Variants in CALD1 observed in about 807,000 individuals in gnomAD.
CALD1 encodes the protein caldesmon 1, also known as caldesmon.
CALD1 carries 33 observed loss-of-function variants against 99.9 expected under a neutral mutation model. The ratio of observed to expected loss-of-function variants is 0.33; its 90% CI spans 0.25 to 0.44. CALD1 has a LOEUF of 0.44. CALD1 is among the 20% of genes least tolerant of loss of function. The pLI is 1.00. For missense variants in CALD1, 861 were observed against 962.1 expected, an observed-to-expected ratio of 0.89 and a Z score of 1.39; for synonymous variants, 310 against 325.0, an observed-to-expected ratio of 0.95 and a Z score of 0.50.
rs565284721 is a variant in CALD1, at chr7:134,843,948, G to T, written c.-65G>T. 1.3e-5 allele frequency: 2 copies of T among 152,120 alleles called. No individual in the cohort carries two copies. Among genetic ancestry groups the T allele is most frequent in the Non-Finnish European group, 2.9e-5 (2 of 68,026 alleles). The allele number at this position is 152,120 out of a possible 1,614,324, so 9.4% of individuals were successfully genotyped here. ...ACAGGGATTGGTGACCAACCAGAAG[G>T]CTCAGACATCTGATTGCTGACCTGT... On this transcript the variant is annotated 5_prime_UTR_variant, in exon 2 of 15. Coordinates refer to ENST00000361675, the MANE Select transcript of CALD1 (RefSeq NM_033138.4).
chr7:134,795,583 CT>C (rs1021361429), intron 1 of CALD1, among the ~76,000 whole-genome samples: 6 of 151,872 alleles, frequency 4.0e-5, no homozygotes, highest in African/African-American at 7.3e-5. Context: ...AAGTTCTCTC[CT>C]TCCTTCCTCT....
At chr7:134,950,350 C>T (rs773668531) in intron 8 of CALD1, 24 bp from the exon 9 acceptor site, 28 of 1,612,612 alleles carry the variant, frequency 1.7e-5, no homozygotes, top group African/African-American at 6.7e-5. Flanking sequence ...ACTGATGCCT[C>T]GTTATTTGTT....
intron 1 of CALD1, among the ~76,000 whole-genome samples, chr7:134,760,369 C>G (rs2131593104): frequency 6.6e-6 from 1 of 152,240 alleles, no homozygotes; most frequent in African/African-American, 2.4e-5. Flanking sequence ...ATCACATAAG[C>G]AATGATGACA....
chr7:134,937,648 A>AG (rs1347832501), intron 6 of CALD1, among the ~76,000 whole-genome samples: 24 of 151,220 alleles, frequency 1.6e-4, no homozygotes, highest in Non-Finnish European at 2.9e-4. Context: ...AAAAAAAAAA[A>AG]AAGAAGAAGA....
intron 9 of CALD1, among the ~76,000 whole-genome samples, chr7:134,950,747 G>A (rs1807271729): frequency 6.6e-6 from 1 of 152,182 alleles, no homozygotes; most frequent in African/African-American, 2.4e-5. Flanking sequence ...CCTGAGGTCA[G>A]GAGTTCGAGA....
chr7:134,843,097 C>T (rs918540189), intron 1 of CALD1, among the ~76,000 whole-genome samples: 6 of 152,188 alleles, frequency 3.9e-5, no homozygotes, highest in African/African-American at 9.7e-5. Flanking sequence ...GCTCCCTTCC[C>T]GTCTTCCTTC....
chr7:134,716,524 T>C, the CALD1 span, among the ~76,000 whole-genome samples: 3 of 152,206 alleles, frequency 2.0e-5, no homozygotes, highest in Non-Finnish European at 4.4e-5. Context: ...GAAGAAACTT[T>C]TAGATGTTTG....
Position 134,968,642 on chromosome 7 carries a change from C to T in CALD1, c.*297C>T. On this transcript the variant is annotated 3_prime_UTR_variant, in exon 15 of 15. Transcript: ENST00000361675. ...TGTATCTGAGCAGTGATACCAACCA[C>T]ATCTGAAGTCAACAGAAGATCCAAG... The T allele has an allele frequency of 1.6e-6, 1 of 615,106 alleles. No individual in the cohort carries two copies. The highest frequency in any genetic ancestry group is 3.0e-6 in the Non-Finnish European group (1 of 328,750). The allele number at this position is 615,106 out of a possible 1,614,324, so 38.1% of individuals were successfully genotyped here.
At chr7:134,754,995 C>CTT (rs34184651) in intron 1 of CALD1, among the ~76,000 whole-genome samples, 196 of 148,254 alleles carry the variant, frequency 1.3e-3, no homozygotes, top group Non-Finnish European at 2.2e-3. Flanking sequence ...ATATATTTTA[C>CTT]TTTTTTTTTA....
At chr7:134,900,597 G>T (rs1384117607) in intron 3 of CALD1, among the ~76,000 whole-genome samples, 1 of 152,042 alleles carries the variant, frequency 6.6e-6, no homozygotes, top group African/African-American at 2.4e-5. Flanking sequence ...TAAGAAACTG[G>T]GGCCCGATAT....
At chr7:134,763,058 A>G (rs1042464515) in intron 1 of CALD1, among the ~76,000 whole-genome samples, 2 of 152,146 alleles carry the variant, frequency 1.3e-5, no homozygotes, top group Non-Finnish European at 2.9e-5. Flanking sequence ...CTATCTACCT[A>G]TTATCTATTT....
At chr7:134,964,634 G>A (rs923667299) in intron 13 of CALD1, among the ~76,000 whole-genome samples, 2 of 152,096 alleles carry the variant, frequency 1.3e-5, no homozygotes, top group Non-Finnish European at 2.9e-5. Flanking sequence ...CAGTCAGGCT[G>A]GTGTGCACTA....
chr7:134,966,140 A>C (rs1343520069), intron 14 of CALD1, among the ~76,000 whole-genome samples: 1 of 152,210 alleles, frequency 6.6e-6, no homozygotes, highest in African/African-American at 2.4e-5. Flanking sequence ...ACAATAAGCA[A>C]GGTTAGAACA....
chr7:134,858,403 G>A (rs926313865), intron 2 of CALD1, among the ~76,000 whole-genome samples: 2 of 152,060 alleles, frequency 1.3e-5, no homozygotes, highest in Admixed American at 6.5e-5. Context: ...AATTATGAGA[G>A]CACAGCCATG....
chr7:134,868,853 G>T (rs1376207894), intron 3 of CALD1, among the ~76,000 whole-genome samples: 1 of 152,176 alleles, frequency 6.6e-6, no homozygotes, highest in Non-Finnish European at 1.5e-5. Flanking sequence ...GTGTGGCCCT[G>T]AGCAAATGAT....
chr7:134,745,575 A>T (rs1223986820), intron 1 of CALD1: 1 of 152,234 alleles, frequency 6.6e-6, no homozygotes. Context: ...AACAAAAGGT[A>T]ACTATTTTAA....
chr7:134,882,292 C>T (rs1362400660), intron 3 of CALD1, among the ~76,000 whole-genome samples: 1 of 152,196 alleles, frequency 6.6e-6, no homozygotes, highest in East Asian at 1.9e-4. Flanking sequence ...CAAGCCATTG[C>T]AATTTCAACT....
At chr7:134,914,689 A>T (rs765814247) in intron 3 of CALD1, among the ~76,000 whole-genome samples, 3 of 152,144 alleles carry the variant, frequency 2.0e-5, no homozygotes, top group African/African-American at 4.8e-5. Flanking sequence ...CCGATTCTGC[A>T]ACCTTGCTAT....
At chr7:134,757,509 C>T (rs1286741417) in intron 1 of CALD1, among the ~76,000 whole-genome samples, 1 of 152,202 alleles carries the variant, frequency 6.6e-6, no homozygotes. Flanking sequence ...AGCCTGGAGA[C>T]TTCTAGCAGT....
Sources: allele counts gnomAD v4.1 joint callset (sites outside exome capture counted in the v4.1 genomes callset), GRCh38; gene constraint gnomAD v4.1.1; transcripts MANE v1.5; gene names NCBI Gene and HGNC (gene_info 2026-07-23, HGNC 2026-07-21).